Variants in DIP2C observed in about 807,000 individuals in gnomAD.
DIP2C encodes disco-interacting protein 2 homolog C.
In DIP2C, 33 loss-of-function variants were observed where a neutral mutation model predicts 192.4. That is an observed-to-expected ratio of 0.17 (90% CI 0.13 to 0.23). The LOEUF (loss-of-function observed/expected upper bound fraction) is 0.23, where lower values mean the gene tolerates loss of function less well. Ranked by LOEUF, DIP2C falls within the 10% of genes least tolerant of loss-of-function variation. The pLI, the probability that DIP2C is intolerant of heterozygous loss-of-function variation, is 1.00. For missense variants in DIP2C, 1,537 were observed against 2,110.1 expected, an observed-to-expected ratio of 0.73 and a Z score of 5.32; for synonymous variants, 979 against 864.1, an observed-to-expected ratio of 1.13 and a Z score of -2.33.
At chr10:385,489 G>C (rs1195120025) in intron 14 of DIP2C, among the ~76,000 whole-genome samples, 1 of 152,274 alleles carries the variant, frequency 6.6e-6, no homozygotes, top group African/African-American at 2.4e-5. Context: ...AATTCTTCCC[G>C]GTGTGTTATG....
chr10:584,445 G>A (rs1291088974), intron 1 of DIP2C, among the ~76,000 whole-genome samples: 6 of 146,724 alleles, frequency 4.1e-5, no homozygotes, highest in South Asian at 4.5e-4. Flanking sequence ...CCCCACTCAC[G>A]CGCATCACCT....
chr10:343,835 CTG>C (rs1284198013), intron 28 of DIP2C, among the ~76,000 whole-genome samples: 2 of 152,198 alleles, frequency 1.3e-5, no homozygotes, highest in East Asian at 3.8e-4. Flanking sequence ...TGATCAGACA[CTG>C]TGTTAAGCGC....
chr10:366,509 A>T, intron 18 of DIP2C, 98 bp from the exon 19 acceptor site: 1 of 1,544,322 alleles, frequency 6.5e-7, no homozygotes, highest in Non-Finnish European at 8.8e-7. Context: ...ACCAGTGAAC[A>T]GGAATGGGGT....
intron 32 of DIP2C, among the ~76,000 whole-genome samples, chr10:298,176 C>T (rs67932152): frequency 0.19 from 28,186 of 152,172 alleles, 2,943 homozygotes; most frequent in African/African-American, 0.27. Flanking sequence ...TTGGCCGTCA[C>T]GTCTCCCTGA....
At chr10:568,008 GACT>G (rs756862744) in intron 1 of DIP2C, among the ~76,000 whole-genome samples, 126 of 152,234 alleles carry the variant, frequency 8.3e-4, no homozygotes, top group Admixed American at 2.0e-3. Context: ...TTCCCACACC[GACT>G]ACAACACTCG....
At chr10:558,137 G>A (rs987713316) in intron 1 of DIP2C, among the ~76,000 whole-genome samples, 3 of 152,178 alleles carry the variant, frequency 2.0e-5, no homozygotes, top group Non-Finnish European at 4.4e-5. Flanking sequence ...ATAACGCATT[G>A]TCTTACCAGC....
At chr10:568,637 G>A (rs377314000) in intron 1 of DIP2C, among the ~76,000 whole-genome samples, 21 of 151,768 alleles carry the variant, frequency 1.4e-4, no homozygotes, top group African/African-American at 4.8e-4. Context: ...ATGGTGGCAC[G>A]CGCCTGTAGT....
chr10:338,439 T>C (rs11593414), intron 29 of DIP2C, among the ~76,000 whole-genome samples: 2,736 of 147,548 alleles, frequency 0.019, 47 homozygotes, highest in Non-Finnish European at 0.03. Context: ...TTTTTTTTTT[T>C]CCCACCTTCT....
chr10:305,462 C>T (rs1956273290), intron 32 of DIP2C, among the ~76,000 whole-genome samples: 2 of 152,118 alleles, frequency 1.3e-5, no homozygotes, highest in South Asian at 4.1e-4. Flanking sequence ...ATTCTGTGGC[C>T]CCTGCTCTCA....
intron 31 of DIP2C, among the ~76,000 whole-genome samples, chr10:316,425 G>T (rs2132358266): frequency 6.6e-6 from 1 of 152,152 alleles, no homozygotes; most frequent in East Asian, 1.9e-4. Flanking sequence ...CCCACTTTAG[G>T]TAACTGGGTG....
In DIP2C at chr10:581,323, T is replaced by C. The variant is rs1288077167; in HGVS notation, c.86-94793A>G. Among the ~76,000 whole-genome samples, 6 of 152,326 alleles carry C rather than the reference T, an allele frequency of 3.9e-5. No individual in the cohort carries two copies. The East Asian group carries it at 1.2e-3, about 29-fold the overall frequency. ...CTTTCTAAATGAGAGATGGCAAGTA[T>C]GATGGTCAAACAGTGGCCACTGTTG... is the stretch of plus-strand genomic sequence containing the variant. On this transcript the variant is annotated intron_variant, in intron 1 of 36. Transcript: ENST00000280886.
chr10:572,940 A>C, intron 1 of DIP2C, among the ~76,000 whole-genome samples: 1 of 152,188 alleles, frequency 6.6e-6, no homozygotes, highest in East Asian at 1.9e-4. Flanking sequence ...TCAAGACTCA[A>C]GATGTCCCCG....
At chr10:584,524 C>T (rs759270491) in intron 1 of DIP2C, among the ~76,000 whole-genome samples, 2 of 133,548 alleles carry the variant, frequency 1.5e-5, no homozygotes, top group Non-Finnish European at 3.2e-5. Flanking sequence ...TCGGGGCCCG[C>T]GACCTGGCCC....
At position 594,791 on chromosome 10, in the gene DIP2C, G is replaced by A. The variant is rs59795392; in HGVS notation, c.85+94703C>T. ...ACACAACCGAGCCGCAAACCAGGGC[G>A]GAATCTCGACTCTCCGGGTTCAGAT... is the stretch of plus-strand genomic sequence containing the variant. On this transcript the variant is annotated intron_variant, in intron 1 of 36. Transcript: ENST00000280886. Among the ~76,000 whole-genome samples the A allele has an allele frequency of 4.2e-3, 643 of 152,250 alleles. 1 individual carries two copies. Among genetic ancestry groups the A allele is most frequent in the Middle Eastern group, 0.01 (3 of 294 alleles).
chr10:640,489 T>G (rs1299287273), intron 1 of DIP2C, among the ~76,000 whole-genome samples: 3 of 152,152 alleles, frequency 2.0e-5, no homozygotes, highest in African/African-American at 7.2e-5. Flanking sequence ...CTCTGTTGGT[T>G]TCTTACTGCA....
chr10:487,488 C>T (rs1167434681), intron 1 of DIP2C, among the ~76,000 whole-genome samples: 1 of 151,936 alleles, frequency 6.6e-6, no homozygotes, highest in East Asian at 1.9e-4. Flanking sequence ...CTCGTCTCCC[C>T]CACGGAACAC....
At chr10:426,351 A>C (rs1966599154) in intron 4 of DIP2C, among the ~76,000 whole-genome samples, 1 of 152,230 alleles carries the variant, frequency 6.6e-6, no homozygotes, top group Admixed American at 6.5e-5. Context: ...GATCCAAATA[A>C]ATGGAAACTA....
intron 1 of DIP2C, among the ~76,000 whole-genome samples, chr10:610,420 T>TA (rs1419882153): frequency 6.6e-6 from 1 of 152,136 alleles, no homozygotes; most frequent in Non-Finnish European, 1.5e-5. Flanking sequence ...TACTGTGTAT[T>TA]TCAAAACAGC....
chr10:332,608 T>C (rs1294573120), intron 29 of DIP2C, among the ~76,000 whole-genome samples: 1 of 152,236 alleles, frequency 6.6e-6, no homozygotes, highest in East Asian at 1.9e-4. Context: ...TTGCTTATTC[T>C]CAAGACATTA....
Sources: allele counts gnomAD v4.1 joint callset (sites outside exome capture counted in the v4.1 genomes callset), GRCh38; gene constraint gnomAD v4.1.1; transcripts MANE v1.5; gene names NCBI Gene and HGNC (gene_info 2026-07-23, HGNC 2026-07-21).